The following SPAG16 variants were observed in gnomAD, a reference collection of about 807,000 sequenced individuals.
The protein encoded by SPAG16 is sperm associated antigen 16.
SPAG16 carries 86 observed loss-of-function variants against 80.4 expected under a neutral mutation model. That is an observed-to-expected ratio of 1.07 (90% CI 0.90 to 1.28). SPAG16 has a LOEUF of 1.28. Ranked by LOEUF, SPAG16 falls within the 50% of genes most tolerant of loss-of-function variation. SPAG16 has a pLI of 0.00. For missense variants in SPAG16, 870 were observed against 765.3 expected (o/e 1.14, Z -1.61); for synonymous variants, 294 against 265.9 (o/e 1.11, Z -1.03).
intron 15 of SPAG16, among the ~76,000 whole-genome samples, chr2:214,210,602 A>G (rs1015671549): frequency 7.9e-5 from 12 of 152,116 alleles, no homozygotes; most frequent in Admixed American, 4.6e-4. Context: ...AATAAATGTT[A>G]ACATATTTAT....
intron 10 of SPAG16, among the ~76,000 whole-genome samples, chr2:213,511,890 C>G (rs977823358): frequency 6.6e-6 from 1 of 151,808 alleles, no homozygotes; most frequent in Admixed American, 6.6e-5. Flanking sequence ...TTCAAAATCT[C>G]ATTTTTTAGT....
At chr2:214,057,574 A>G (rs528647070) in intron 13 of SPAG16, among the ~76,000 whole-genome samples, 3 of 152,276 alleles carry the variant, frequency 2.0e-5, no homozygotes, top group African/African-American at 4.8e-5. Flanking sequence ...GATTTTTTGA[A>G]TGGTTAATGA....
intron 15 of SPAG16, among the ~76,000 whole-genome samples, chr2:214,297,311 T>G (rs1029676633): frequency 1.3e-5 from 2 of 152,172 alleles, no homozygotes; most frequent in African/African-American, 4.8e-5. Context: ...CTTTTTGGTT[T>G]AAGTCTCATT....
Position 213,613,744 on chromosome 2 carries a change from C to G in SPAG16, c.1070+123654C>G, listed in dbSNP as rs373374723. 9.2e-5 allele frequency among the ~76,000 whole-genome samples: 14 copies of G among 152,030 alleles called. No individual in the cohort carries two copies. In the East Asian group the frequency reaches 2.7e-3, roughly 29 times the overall value. On this transcript the variant is annotated intron_variant, in intron 10 of 15. Coordinates refer to ENST00000331683, the MANE Select transcript of SPAG16 (RefSeq NM_024532.5). ...GTGAAGGCAGAACTTTTTTCTTTTT[C>G]TTTTCATTACTGTAGCTCCAGTTCT...
At chr2:214,051,207 T>C (rs1419798430) in intron 13 of SPAG16, among the ~76,000 whole-genome samples, 1 of 152,242 alleles carries the variant, frequency 6.6e-6, no homozygotes, top group Non-Finnish European at 1.5e-5. Flanking sequence ...CTGCTAATGC[T>C]AGTGTTTTAC....
intron 10 of SPAG16, among the ~76,000 whole-genome samples, chr2:213,703,641 T>C (rs1222129375): frequency 6.6e-6 from 1 of 152,160 alleles, no homozygotes; most frequent in Non-Finnish European, 1.5e-5. Context: ...AAAAGACTCA[T>C]TGTCCATCTG....
At chr2:213,511,573 CA>C (rs2125815797) in intron 10 of SPAG16, among the ~76,000 whole-genome samples, 1 of 152,022 alleles carries the variant, frequency 6.6e-6, no homozygotes, top group Non-Finnish European at 1.5e-5. Context: ...TCAAGCACAT[CA>C]AAAAGAATAG....
At chr2:213,973,586 A>T (rs898566048) in intron 12 of SPAG16, among the ~76,000 whole-genome samples, 1 of 151,920 alleles carries the variant, frequency 6.6e-6, no homozygotes, top group African/African-American at 2.4e-5. Flanking sequence ...GGTGTGGATA[A>T]GGGCGAGTAA....
At chr2:214,008,535 A>G (rs2047135620) in intron 12 of SPAG16, among the ~76,000 whole-genome samples, 2 of 152,282 alleles carry the variant, frequency 1.3e-5, no homozygotes, top group East Asian at 3.9e-4. Flanking sequence ...ACTTGAGGTC[A>G]GGAGTTCGAC....
intron 10 of SPAG16, among the ~76,000 whole-genome samples, chr2:213,544,575 T>C (rs1224477418): frequency 6.6e-6 from 1 of 152,094 alleles, no homozygotes; most frequent in Non-Finnish European, 1.5e-5. Context: ...GTGTCATATA[T>C]TCTATGGGTT....
intron 15 of SPAG16, among the ~76,000 whole-genome samples, chr2:214,284,255 C>T (rs533923876): frequency 6.6e-6 from 1 of 152,292 alleles, no homozygotes; most frequent in East Asian, 1.9e-4. Context: ...AGTCATATTG[C>T]TCTTCTTTTT....
chr2:214,322,884 A>T (rs913341504), intron 15 of SPAG16, among the ~76,000 whole-genome samples: 2 of 152,176 alleles, frequency 1.3e-5, no homozygotes, highest in Non-Finnish European at 2.9e-5. Flanking sequence ...CCTTCTGGGA[A>T]CCAAGCCCAT....
intron 11 of SPAG16, among the ~76,000 whole-genome samples, chr2:213,882,713 G>A (rs968098139): frequency 1.3e-5 from 2 of 152,062 alleles, no homozygotes; most frequent in African/African-American, 4.8e-5. Context: ...CTAGCTAGTG[G>A]TCTATTCATC....
chr2:213,804,722 TAAC>T (rs2071652821), intron 10 of SPAG16, among the ~76,000 whole-genome samples: 1 of 144,168 alleles, frequency 6.9e-6, no homozygotes, highest in Non-Finnish European at 1.6e-5. Context: ...ACTAACTAAC[TAAC>T]TAACTAAGAT....
intron 15 of SPAG16, chr2:214,281,362 A>G (rs1437796074): frequency 4.9e-6 from 1 of 203,924 alleles, no homozygotes; most frequent in Non-Finnish European, 1.0e-5. Flanking sequence ...TTCTGAGCAT[A>G]GTAATCAATT....
intron 14 of SPAG16, among the ~76,000 whole-genome samples, chr2:214,148,388 A>C (rs1053241728): frequency 1.3e-5 from 2 of 152,042 alleles, no homozygotes; most frequent in African/African-American, 4.8e-5. Context: ...ATCTCTCCCC[A>C]CCTTCCATTG....
chr2:213,783,127 T>C (rs1038584227), intron 10 of SPAG16, among the ~76,000 whole-genome samples: 32 of 142,034 alleles, frequency 2.3e-4, no homozygotes, highest in Non-Finnish European at 3.0e-4. Context: ...AATTCCCACC[T>C]ATGAGTGAGA....
At chr2:213,756,804 C>A (rs967564253) in intron 10 of SPAG16, among the ~76,000 whole-genome samples, 2 of 151,962 alleles carry the variant, frequency 1.3e-5, no homozygotes, top group African/African-American at 4.8e-5. Flanking sequence ...AGCTTTGACA[C>A]TGAAATTAAA....
chr2:213,379,483 A>G lies in SPAG16; in HGVS notation c.942+4364A>G, dbSNP rs568534194. ...AGCCCCATGCTGCACTTCTTTAGCC[A>G]TAAAGTGAGTGCTTTGGTCAGAGGC... On this transcript the variant is annotated intron_variant, in intron 9 of 15. Coordinates refer to ENST00000331683, the MANE Select transcript of SPAG16 (RefSeq NM_024532.5). Among the ~76,000 whole-genome samples, 10 of 152,348 alleles carry G rather than the reference A, an allele frequency of 6.6e-5. No individual in the cohort carries two copies. The East Asian group carries it at 1.3e-3, about 21-fold the overall frequency.
Sources: gnomAD v4.1 joint callset for allele counts (sites outside exome capture counted in the v4.1 genomes callset) on GRCh38, gnomAD v4.1.1 for gene constraint, MANE v1.5 for transcripts, NCBI Gene and HGNC (gene_info 2026-07-23, HGNC 2026-07-21) for gene names.